Variants in ZNF654 observed in about 807,000 individuals in gnomAD.
The protein encoded by ZNF654 is zinc finger protein 654, also known as melanoma-associated antigen.
Under a neutral mutation model 95.3 loss-of-function variants are expected in ZNF654, and 19 were observed. The ratio of observed to expected loss-of-function variants is 0.20; its 90% CI spans 0.14 to 0.29. The LOEUF (loss-of-function observed/expected upper bound fraction) is 0.29. Ranked by LOEUF, ZNF654 falls within the 10% of genes least tolerant of loss-of-function variation. ZNF654 has a pLI of 1.00. For synonymous variants in ZNF654, 413 were observed against 457.9 expected (o/e 0.90, Z 1.25); for missense variants, 1,046 against 1,341.0 (o/e 0.78, Z 3.44).
At chr3:88,123,322 C>T (rs1259745336) in intron 3 of ZNF654, among the ~76,000 whole-genome samples, 3 of 152,048 alleles carry the variant, frequency 2.0e-5, no homozygotes, top group Non-Finnish European at 4.4e-5. Flanking sequence ...TTTTGACCCA[C>T]GAAGTGTACA....
chr3:88,139,614 G>A lies in ZNF654; in HGVS notation c.1945G>A (p.Gly649Arg). ...EVETLTASSE[G>R]NKEVIPEHVA... ...GGAGACACTTACTGCTTCTAGTGAA[G>A]GAAACAAAGAAGTCATCCCTGAGCA... Residue 649 changes from glycine (G) to arginine (R), a missense_variant, in exon 8 of 9, where the codon GGA (glycine) becomes AGA (arginine). Gly to Arg is a moderately radical substitution (Grantham distance 125). Transcript: ENST00000636215. 1 of 1,613,654 alleles carries A rather than the reference G, an allele frequency of 6.2e-7. No homozygotes were observed. Among genetic ancestry groups the A allele is most frequent in the Non-Finnish European group, 8.5e-7 (1 of 1,179,734 alleles).
intron 2 of ZNF654, chr3:88,095,521 C>G (rs765091329): frequency 1.6e-5 from 8 of 488,268 alleles, no homozygotes; most frequent in Admixed American, 1.6e-4. Context: ...ACATTAGCTT[C>G]TTTTGCAAGA....
chr3:88,129,317 G>A (rs1404343309), intron 5 of ZNF654, among the ~76,000 whole-genome samples: 2 of 117,852 alleles, frequency 1.7e-5, no homozygotes, highest in Non-Finnish European at 3.5e-5. Flanking sequence ...CAGCTTGCCA[G>A]GAGTAAAAAA....
chr3:88,080,970 G>A (rs1251499542), intron 1 of ZNF654, among the ~76,000 whole-genome samples: 1 of 152,160 alleles, frequency 6.6e-6, no homozygotes, highest in Admixed American at 6.5e-5. Flanking sequence ...ATTCCAGGAT[G>A]TTATCCGTGA....
Position 88,140,804 on chromosome 3 carries a change from AC to A in ZNF654, c.3137del (p.Pro1046HisfsTer25). On this transcript the variant is annotated frameshift_variant, in exon 8 of 9. Coordinates refer to ENST00000636215, the MANE Select transcript of ZNF654 (RefSeq NM_001350134.2). LOFTEE classifies it high-confidence loss of function. ...CTTCATATGGCTTAATTTTAACAAA[AC>A]CATACGTCAGACCATTGCCTCCCAG... ...HTSYGLILTK[P>X]YVRPLPPSYL... The A allele has an allele frequency of 1.2e-6, 2 of 1,613,674 alleles. No homozygotes were observed. Among genetic ancestry groups the A allele is most frequent in the Non-Finnish European group, 1.7e-6 (2 of 1,179,706 alleles).
At position 88,139,503 on chromosome 3, in the gene ZNF654, G is replaced by A; in HGVS notation, c.1834G>A (p.Glu612Lys). 1 of 1,613,600 alleles carries A rather than the reference G, an allele frequency of 6.2e-7. No individual in the cohort carries two copies. Among genetic ancestry groups the A allele is most frequent in the Non-Finnish European group, 8.5e-7 (1 of 1,179,750 alleles). Residue 612 changes from glutamate to lysine, a missense_variant, in exon 8 of 9, where the codon GAA becomes AAA. Coordinates refer to ENST00000636215, the MANE Select transcript of ZNF654 (RefSeq NM_001350134.2). ...QIAAAQQDDQEVTALEEINCS... is the reference protein window; with the variant it reads ...QIAAAQQDDQKVTALEEINCS... Reference sequence around the variant, plus strand: ...TGCTGCAGCTCAACAGGATGATCAGGAAGTCACTGCTTTGGAAGAAATAAA... The same window carrying A: ...TGCTGCAGCTCAACAGGATGATCAGAAAGTCACTGCTTTGGAAGAAATAAA...
intron 2 of ZNF654, among the ~76,000 whole-genome samples, chr3:88,086,915 T>C (rs1472502708): frequency 6.6e-6 from 1 of 152,056 alleles, no homozygotes; most frequent in Non-Finnish European, 1.5e-5. Flanking sequence ...CCCAAGTAGC[T>C]GGGACTACAG....
intron 6 of ZNF654, among the ~76,000 whole-genome samples, chr3:88,130,563 G>A (rs1171189053): frequency 2.0e-5 from 3 of 150,806 alleles, no homozygotes; most frequent in Middle Eastern, 3.2e-3. Context: ...TGATTTTCCC[G>A]CCTCAGCCTC....
At chr3:88,069,538 C>T (rs1272144733) in intron 1 of ZNF654, among the ~76,000 whole-genome samples, 2 of 152,152 alleles carry the variant, frequency 1.3e-5, no homozygotes, top group East Asian at 1.9e-4. Flanking sequence ...TAGCACTTAT[C>T]GAAGTTATAA....
chr3:88,089,510 A>G (rs928635030), intron 2 of ZNF654, among the ~76,000 whole-genome samples: 1 of 151,468 alleles, frequency 6.6e-6, no homozygotes, highest in African/African-American at 2.4e-5. Flanking sequence ...AAAATGTTTT[A>G]TTAGATAACT....
chr3:88,107,691 T>C (rs1383939203), intron 2 of ZNF654, among the ~76,000 whole-genome samples: 2 of 152,198 alleles, frequency 1.3e-5, no homozygotes, highest in African/African-American at 2.4e-5. Context: ...GTAGGTACTC[T>C]GGATAATTTT....
chr3:88,140,146 T>C lies in ZNF654; in HGVS notation c.2477T>C (p.Phe826Ser). 6.2e-7 allele frequency: 1 copy of C among 1,612,130 alleles called. No homozygotes were observed. The highest frequency in any genetic ancestry group is 8.5e-7 in the Non-Finnish European group (1 of 1,178,950). ...TTGCATTTTAATTGCAACGAGTCGTTTAAGCTGCCGTTCCAGCTTGCCCAG... is the reference window on the plus strand; with the variant it reads ...TTGCATTTTAATTGCAACGAGTCGTCTAAGCTGCCGTTCCAGCTTGCCCAG... Reference protein sequence around the residue: ...FCLHFNCNESFKLPFQLAQHT... With the variant: ...FCLHFNCNESSKLPFQLAQHT... The change falls in exon 8 of 9, where the codon TTT (phenylalanine) becomes TCT (serine). Residue 826 changes from phenylalanine (F) to serine (S), a missense_variant. Around this residue, in one of 9 missense-constraint regions of ZNF654, gnomAD observed 495 missense variants for 537.0 expected, o/e 0.92. Coordinates refer to ENST00000636215, the MANE Select transcript of ZNF654 (RefSeq NM_001350134.2).
intron 3 of ZNF654, among the ~76,000 whole-genome samples, chr3:88,124,370 T>A (rs1009538367): frequency 1.3e-5 from 2 of 152,218 alleles, no homozygotes; most frequent in African/African-American, 4.8e-5. Context: ...CTTAAATAAC[T>A]TAGAAGATAT....
intron 2 of ZNF654, among the ~76,000 whole-genome samples, chr3:88,087,945 C>T (rs7648096): frequency 0.78 from 119,182 of 152,052 alleles, 47,621 homozygotes; most frequent in South Asian, 0.91. Flanking sequence ...TCAAAGGAAA[C>T]GCTCATTGGA....
At chr3:88,095,116 T>A (rs1703981847) in intron 2 of ZNF654, among the ~76,000 whole-genome samples, 1 of 152,168 alleles carries the variant, frequency 6.6e-6, no homozygotes, top group Admixed American at 6.5e-5. Context: ...ATAGTTTTCT[T>A]AAGCTTTGGT....
intron 1 of ZNF654, among the ~76,000 whole-genome samples, chr3:88,076,889 G>A (rs1195158952): frequency 6.6e-6 from 1 of 152,176 alleles, no homozygotes; most frequent in Non-Finnish European, 1.5e-5. Context: ...CCACATGGAG[G>A]ACTCTGACCT....
chr3:88,141,757 A>T lies in ZNF654; in HGVS notation c.*105A>T, dbSNP rs972114567. The T allele has an allele frequency of 1.1e-6, 1 of 896,156 alleles. No homozygotes were observed. The highest frequency in any genetic ancestry group is 1.7e-5 in the African/African-American group (1 of 59,726). 55.5% of individuals were successfully genotyped at this position (896,156 alleles called of 1,614,324 possible). On this transcript the variant is annotated 3_prime_UTR_variant, in exon 9 of 9. Coordinates refer to ENST00000636215, the MANE Select transcript of ZNF654 (RefSeq NM_001350134.2). ...ATTTCCCTGATGGCCTTAATTTTAG[A>T]GTGGTCTTGGATTACTAAAGATAAA...
intron 1 of ZNF654, among the ~76,000 whole-genome samples, chr3:88,081,303 T>C (rs1708063503): frequency 6.6e-6 from 1 of 152,196 alleles, no homozygotes; most frequent in African/African-American, 2.4e-5. Flanking sequence ...GTGGGGGTTT[T>C]CCACTGTAAT....
intron 3 of ZNF654, among the ~76,000 whole-genome samples, chr3:88,124,090 T>C (rs1705939217): frequency 6.6e-6 from 1 of 152,174 alleles, no homozygotes; most frequent in African/African-American, 2.4e-5. Context: ...CCAAGGAAAC[T>C]AGATGCCCTA....
Sources: gnomAD v4.1 joint callset for allele counts (sites outside exome capture counted in the v4.1 genomes callset) on GRCh38, gnomAD v4.1.1 for gene constraint, gnomAD v4.1.1 regional missense constraint, MANE v1.5 for transcripts, NCBI Gene and HGNC (gene_info 2026-07-23, HGNC 2026-07-21) for gene names.